CSTF1: variants seen among roughly 807,000 people sequenced by gnomAD.
CSTF1 encodes the protein cleavage stimulation factor subunit 1, also known as CF-1 50 kDa subunit.
In CSTF1, 2 loss-of-function variants were observed where a neutral mutation model predicts 40.9. The observed-to-expected ratio is 0.05, with a 90% CI of 0.02 to 0.15. The LOEUF (loss-of-function observed/expected upper bound fraction) is 0.15, where lower values mean the gene tolerates loss of function less well. CSTF1 is among the 10% of genes least tolerant of loss of function. The probability of loss-of-function intolerance (pLI) is 1.00; values close to 1 mark genes in which losing one functional copy is unlikely to be tolerated. For synonymous variants in CSTF1, 218 were observed against 207.2 expected, an observed-to-expected ratio of 1.05 and a Z score of -0.45; for missense variants, 279 against 558.9, an observed-to-expected ratio of 0.50 and a Z score of 5.05.
chr20:56,398,050 T>G (rs976223591), intron 4 of CSTF1, among the ~76,000 whole-genome samples: 2 of 152,176 alleles, frequency 1.3e-5, no homozygotes, highest in Non-Finnish European at 2.9e-5. Context: ...TCAGAGTTTA[T>G]AATCTGACCC....
At chr20:56,403,247 C>G (rs528783729) in intron 5 of CSTF1, among the ~76,000 whole-genome samples, 1 of 151,818 alleles carries the variant, frequency 6.6e-6, no homozygotes, top group South Asian at 2.1e-4. Context: ...AACTCCTGGG[C>G]TCAAGCAGCC....
intron 1 of CSTF1, among the ~76,000 whole-genome samples, chr20:56,394,886 A>G (rs1987473551): frequency 6.6e-6 from 1 of 152,064 alleles, no homozygotes; most frequent in African/African-American, 2.4e-5. Context: ...TTGATTGGCA[A>G]TATTTTATTG....
In CSTF1 at chr20:56,399,508, C is replaced by A. The variant is rs1978362168; in HGVS notation, c.1036+151C>A. 4.0e-6 allele frequency: 3 copies of A among 745,450 alleles called. No homozygotes were observed. Among genetic ancestry groups the A allele is most frequent in the Non-Finnish European group, 6.4e-6 (3 of 466,504 alleles). The allele number at this position is 745,450 out of a possible 1,614,324, so 46.2% of individuals were successfully genotyped here. A position where few individuals can be genotyped will look rare whatever the true frequency, so the allele number is the denominator to read the frequency against. On this transcript the variant is annotated intron_variant, in intron 5 of 5. Transcript: ENST00000217109. This position sits in a 1 kb window ranked among gnomAD's most constrained non-coding sequence, Gnocchi z 4.6. ...TTAGATAAGAGGAAACCAAGACTTA[C>A]AGGTTAAGTCATTTAGCCAAGGCTA...
At position 56,397,611 on chromosome 20, in the gene CSTF1, C is replaced by A; in HGVS notation, c.448-33C>A. 1.2e-6 allele frequency: 2 copies of A among 1,607,272 alleles called. No homozygotes were observed. The highest frequency in any genetic ancestry group is 1.3e-5 in the African/African-American group (1 of 74,914). Reference sequence around the variant, plus strand: ...TTGTGCACTTGGATTCAGACACATTCTGTGCCTTGAGCATCTCTTCTTGTT... The same window carrying A: ...TTGTGCACTTGGATTCAGACACATTATGTGCCTTGAGCATCTCTTCTTGTT... On this transcript the variant is annotated intron_variant, in intron 3 of 5. Transcript: ENST00000217109. This position sits in a 1 kb window ranked among gnomAD's most constrained non-coding sequence, Gnocchi z 4.4.
chr20:56,401,259 T>C (rs576234405), intron 5 of CSTF1, among the ~76,000 whole-genome samples: 338 of 151,550 alleles, frequency 2.2e-3, no homozygotes, highest in Non-Finnish European at 3.8e-3. Flanking sequence ...AAAAGATGAG[T>C]CCAAACTCGA....
intron 5 of CSTF1, among the ~76,000 whole-genome samples, chr20:56,403,202 T>C (rs1200344684): frequency 2.0e-5 from 3 of 151,802 alleles, no homozygotes; most frequent in Non-Finnish European, 4.4e-5. Flanking sequence ...GCAGTCTTGC[T>C]CTTGCTCTGT....
chr20:56,394,492 CAGG>C (rs1292441731), intron 1 of CSTF1, among the ~76,000 whole-genome samples: 3 of 152,220 alleles, frequency 2.0e-5, no homozygotes, highest in African/African-American at 4.8e-5. Flanking sequence ...GAGGCTGAGA[CAGG>C]AGAATAGCTT....
rs1978589330 is a variant in CSTF1 at position 56,403,926 on chromosome 20, G to A, written c.*199G>A. 1 of 588,428 alleles carries A rather than the reference G, an allele frequency of 1.7e-6. No individual in the cohort carries two copies. The highest frequency in any genetic ancestry group is 1.9e-5 in the African/African-American group (1 of 53,878). 36.5% of individuals were successfully genotyped at this position (588,428 alleles called of 1,614,324 possible). A position where few individuals can be genotyped will look rare whatever the true frequency, so the allele number is the denominator to read the frequency against. On this transcript the variant is annotated 3_prime_UTR_variant, in exon 6 of 6. Coordinates refer to ENST00000217109, the MANE Select transcript of CSTF1 (RefSeq NM_001324.3). Reference sequence around the variant, plus strand: ...TGGAAAAAGTTGGAAACACAGATCTGTGCAGTTCTACATTCACTGATTATT... The same window carrying A: ...TGGAAAAAGTTGGAAACACAGATCTATGCAGTTCTACATTCACTGATTATT...
chr20:56,402,505 A>G (rs1379170641), intron 5 of CSTF1, among the ~76,000 whole-genome samples: 1 of 152,234 alleles, frequency 6.6e-6, no homozygotes, highest in East Asian at 1.9e-4. Flanking sequence ...TCCTTTTGGA[A>G]AGTAGATATT....
intron 1 of CSTF1, among the ~76,000 whole-genome samples, chr20:56,394,092 T>G (rs1369566640): frequency 6.6e-6 from 1 of 152,208 alleles, no homozygotes; most frequent in Admixed American, 6.5e-5. Context: ...TTTCATCATC[T>G]TTATTTGTGT....
In CSTF1 at chr20:56,399,370, T is replaced by A. The variant is rs768100338; in HGVS notation, c.1036+13T>A. 6.3e-7 allele frequency: 1 copy of A among 1,592,508 alleles called. No individual in the cohort carries two copies. The highest frequency in any genetic ancestry group is 8.6e-7 in the Non-Finnish European group (1 of 1,169,082). ...GTCAGATACACGGGTATGTGAGACG[T>A]TGATGTTACTTAACATTTCTGTAGT... On this transcript the variant is annotated intron_variant, in intron 5 of 5. Coordinates refer to ENST00000217109, the MANE Select transcript of CSTF1 (RefSeq NM_001324.3). This position sits in a 1 kb window ranked among gnomAD's most constrained non-coding sequence, Gnocchi z 4.6.
chr20:56,405,595 C>T lies in CSTF1; in HGVS notation c.*1868C>T, dbSNP rs376126138. 4 of 152,356 alleles carry T rather than the reference C, an allele frequency of 2.6e-5. No homozygotes were observed. Among genetic ancestry groups the T allele is most frequent in the East Asian group, 1.9e-4 (1 of 5,188 alleles). 9.4% of individuals were successfully genotyped at this position (152,356 alleles called of 1,614,324 possible). On this transcript the variant is annotated 3_prime_UTR_variant, in exon 6 of 6. Transcript: ENST00000217109. ...CGTTTTAACTCCTTGATCTGTAAAA[C>T]TGTCTTAAGCATCTTAACATGTTAC...
chr20:56,403,641 G>A lies in CSTF1; in HGVS notation c.1210G>A (p.Val404Met). 1 of 1,614,082 alleles carries A rather than the reference G, an allele frequency of 6.2e-7. No homozygotes were observed. ...GCACAACAATATTGTACGCTGCATA[G>A]TGCACTCCCCCACCAACCCCGGGTT... is the stretch of plus-strand genomic sequence containing the variant. ...LGHNNIVRCI[V>M]HSPTNPGFMT... Residue 404 changes from valine (V) to methionine (M), a missense_variant, in exon 6 of 6, where the codon GTG (valine) becomes ATG (methionine). Val to Met is a conservative substitution (Grantham distance 21). This residue lies in a region of CSTF1 where 162 missense variants were observed against 337.1 expected (regional missense o/e 0.48). Coordinates refer to ENST00000217109, the MANE Select transcript of CSTF1 (RefSeq NM_001324.3).
Position 56,397,114 on chromosome 20 carries a change from G to C in CSTF1, c.170-93G>C, listed in dbSNP as rs551110957. 1 of 1,342,834 alleles carries C rather than the reference G, an allele frequency of 7.4e-7. No individual in the cohort carries two copies. Among genetic ancestry groups the C allele is most frequent in the South Asian group, 1.4e-5 (1 of 72,772 alleles). 83.2% of individuals were successfully genotyped at this position (1,342,834 alleles called of 1,614,324 possible). A position where few individuals can be genotyped will look rare whatever the true frequency, so the allele number is the denominator to read the frequency against. ...CAAGAAATAGGAGGTTGACACTGGT[G>C]AGCATCTTTCCAGTTTGGATCTAGA... On this transcript the variant is annotated intron_variant, in intron 2 of 5. Transcript: ENST00000217109. The surrounding 1 kb of genome is among the most constrained non-coding windows in gnomAD (Gnocchi z 4.4).
Position 56,403,829 on chromosome 20 carries a change from C to T in CSTF1, c.*102C>T, listed in dbSNP as rs773966690. 1.8e-5 allele frequency: 20 copies of T among 1,137,892 alleles called. No individual in the cohort carries two copies. The highest frequency in any genetic ancestry group is 2.4e-5 in the Non-Finnish European group (19 of 792,226). The allele number at this position is 1,137,892 out of a possible 1,614,324, so 70.5% of individuals were successfully genotyped here. ...TCCGTGCACCATCCTTGACGTTTTG[C>T]TGCCACCTCTGTCCACATTCTTCTT... is the stretch of plus-strand genomic sequence containing the variant. On this transcript the variant is annotated 3_prime_UTR_variant, in exon 6 of 6. Transcript: ENST00000217109.
At chr20:56,393,422 T>C (rs1377595239) in intron 1 of CSTF1, among the ~76,000 whole-genome samples, 2 of 152,112 alleles carry the variant, frequency 1.3e-5, no homozygotes, top group African/African-American at 4.8e-5. Context: ...AACAGTAGAA[T>C]CTCTCATCAA....
At chr20:56,398,924 G>GT (rs1978338592) in intron 4 of CSTF1, 43 bp from the exon 5 acceptor site, 16 of 1,509,592 alleles carry the variant, frequency 1.1e-5, no homozygotes, top group Non-Finnish European at 1.4e-5. Flanking sequence ...GGATTTAATT[G>GT]TTCACCAGTT....
At chr20:56,403,398 T>TG (rs1978556487) in intron 5 of CSTF1, 70 bp from the exon 6 acceptor site, 1 of 1,568,174 alleles carries the variant, frequency 6.4e-7, no homozygotes, top group Non-Finnish European at 8.7e-7. Context: ...GCTTTTACAT[T>TG]GAATGCTAGA....
At position 56,405,791 on chromosome 20, in the gene CSTF1, G is replaced by A. The variant is rs185297883; in HGVS notation, c.*2064G>A. The A allele has an allele frequency of 3.3e-4, 50 of 152,230 alleles. No homozygotes were observed. The highest frequency in any genetic ancestry group is 7.0e-4 in the African/African-American group (29 of 41,554). The allele number at this position is 152,230 out of a possible 1,614,324, so 9.4% of individuals were successfully genotyped here. ...AGACTAAAAGGCACCTACTAAATAC[G>A]AACAAGGATAACCAGTTCTACCAAA... On this transcript the variant is annotated 3_prime_UTR_variant, in exon 6 of 6. Transcript: ENST00000217109.
Sources: gnomAD v4.1 joint callset for allele counts (sites outside exome capture counted in the v4.1 genomes callset) on GRCh38, gnomAD v4.1.1 for gene constraint, gnomAD v4.1.1 regional missense constraint, Gnocchi (gnomAD v3.1) non-coding constraint, MANE v1.5 for transcripts, NCBI Gene and HGNC (gene_info 2026-07-23, HGNC 2026-07-21) for gene names.